UPF3B: variants seen among roughly 807,000 people sequenced by gnomAD.
UPF3B encodes regulator of nonsense transcripts 3B.
Under a neutral mutation model 40.3 loss-of-function variants are expected in UPF3B, and 7 were observed. The ratio of observed to expected loss-of-function variants is 0.17; its 90% CI spans 0.10 to 0.33. The LOEUF is 0.33. Among genes scored for constraint, UPF3B ranks in the 10% least tolerant of loss-of-function variants. UPF3B has a pLI of 1.00. For missense variants in UPF3B, 229 were observed against 358.9 expected (o/e 0.64, Z 2.93); for synonymous variants, 117 against 117.3 (o/e 1.00, Z 0.01).
At chrX:119,845,752 T>C (rs2056220435) in intron 3 of UPF3B, among the ~76,000 whole-genome samples, 1 of 110,413 alleles carries the variant, frequency 9.1e-6, no homozygotes, top group African/African-American at 3.3e-5. Flanking sequence ...ATTTAGATTG[T>C]GGTGATAGGC....
At chrX:119,840,995 C>T (rs2056154474) in intron 7 of UPF3B, 81 bp downstream of exon 7, 2 of 1,058,971 alleles carry the variant, frequency 1.9e-6, no homozygotes, top group Non-Finnish European at 2.6e-6. Flanking sequence ...TCATTTACAC[C>T]AACACAAGAC....
At chrX:119,821,257 G>A (rs780618664) in intron 4 of UPF3B, among the ~76,000 whole-genome samples, 1 of 112,062 alleles carries the variant, frequency 8.9e-6, no homozygotes, top group Non-Finnish European at 1.9e-5. Flanking sequence ...GCTGAGCAAT[G>A]TCAGATGCCA....
intron 5 of UPF3B, among the ~76,000 whole-genome samples, chrX:119,842,626 A>ACACACACC (rs1473286998): frequency 4.6e-5 from 5 of 108,031 alleles, no homozygotes; most frequent in Non-Finnish European, 9.5e-5. Context: ...ACACACACAC[A>ACACACACC]CACAGAGAGA....
At chrX:119,809,730 A>G (rs950003840) in intron 5 of UPF3B, among the ~76,000 whole-genome samples, 2 of 111,733 alleles carry the variant, frequency 1.8e-5, no homozygotes, top group Admixed American at 1.9e-4. Context: ...CAAAAACAAA[A>G]TCTTTTTGCA....
intron 5 of UPF3B, among the ~76,000 whole-genome samples, chrX:119,807,860 T>C (rs2055804613): frequency 1.8e-5 from 2 of 111,600 alleles, no homozygotes; most frequent in Non-Finnish European, 3.8e-5. Context: ...AGTGGCACAA[T>C]TGCAGCTCAC....
intron 4 of UPF3B, among the ~76,000 whole-genome samples, chrX:119,818,294 G>C (rs2055882167): frequency 9.2e-6 from 1 of 109,013 alleles, no homozygotes; most frequent in Non-Finnish European, 1.9e-5. Flanking sequence ...AATCCTCTTC[G>C]TGCTTTAACT....
chrX:119,809,385 A>G (rs1450342600), intron 5 of UPF3B, among the ~76,000 whole-genome samples: 1 of 112,156 alleles, frequency 8.9e-6, no homozygotes, highest in Non-Finnish European at 1.9e-5. Context: ...CAAAAAGTCC[A>G]TGGAAAATGT....
chrX:119,851,481 T>G lies in UPF3B; in HGVS notation c.370+14A>C. 2.6e-6 allele frequency: 3 copies of G among 1,137,322 alleles called. No individual in the cohort carries two copies. Among genetic ancestry groups the G allele is most frequent in the Non-Finnish European group, 2.4e-6 (2 of 827,902 alleles). 93.7% of individuals were successfully genotyped at this position (1,137,322 alleles called of 1,213,427 possible). A position where few individuals can be genotyped will look rare whatever the true frequency, so the allele number is the denominator to read the frequency against. On this transcript the variant is annotated intron_variant, in intron 3 of 10. Coordinates refer to ENST00000276201, the MANE Select transcript of UPF3B (RefSeq NM_080632.3). ...CAAAGAAATTCCCTTTTTACTTCAG[T>G]TACCAGGACTCACCTTTATTGTCAA...
Position 119,837,914 on chromosome X carries a change from T to C in UPF3B, c.1145A>G (p.Lys382Arg), listed in dbSNP as rs1267800969. 8.3e-7 allele frequency: 1 copy of C among 1,209,141 alleles called. No homozygotes were observed. Among genetic ancestry groups the C allele is most frequent in the Non-Finnish European group, 1.1e-6 (1 of 895,265 alleles). Reference protein sequence around the residue: ...ERRRQKERYEKEKTFKRKEEE... With the variant: ...ERRRQKERYEREKTFKRKEEE... ...TTCTTTTCTCTTAAAAGTCTTCTCT[T>C]TCTCATAGCGCTCCTTCTGCCTACG... The change falls in exon 10 of 11, where the codon AAA becomes AGA. Residue 382 changes from lysine to arginine, a missense_variant. Transcript: ENST00000276201.
rs1266178890 is a variant in UPF3B, at chrX:119,845,284, G to A, written c.383C>T (p.Pro128Leu). The A allele has an allele frequency of 1.7e-6, 2 of 1,204,009 alleles. No individual in the cohort carries two copies. The highest frequency in any genetic ancestry group is 3.5e-5 in the African/African-American group (2 of 56,829). The change falls in exon 4 of 11, where the codon CCC becomes CTC. Residue 128 changes from proline to leucine, a missense_variant. By Grantham distance (98) the Pro-to-Leu change is moderately conservative. Around this residue, in one of 3 missense-constraint regions of UPF3B, gnomAD observed 87 missense variants for 184.2 expected, o/e 0.47. Transcript: ENST00000276201. The stretch of plus-strand genomic sequence containing the variant: ...AAAAGGTGCAAATTCTACTATAGCG[G>A]GATATTCCTGACCTGTTTAGAAAAA... ...VFLDNKGQEYPAIVEFAPFQK... is the reference protein window; with the variant it reads ...VFLDNKGQEYLAIVEFAPFQK...
At chrX:119,820,335 G>C (rs1472609886) in intron 4 of UPF3B, among the ~76,000 whole-genome samples, 1 of 107,720 alleles carries the variant, frequency 9.3e-6, no homozygotes, top group Admixed American at 1.0e-4. Context: ...TTTTTTGGTA[G>C]AGATGGGGTT....
intron 3 of UPF3B, among the ~76,000 whole-genome samples, chrX:119,826,116 G>A (rs376708266): frequency 1.8e-5 from 2 of 111,262 alleles, no homozygotes; most frequent in South Asian, 3.7e-4. Flanking sequence ...AGCCGAGATC[G>A]TGCCACTGCA....
At chrX:119,826,386 G>A (rs900297241) in intron 3 of UPF3B, among the ~76,000 whole-genome samples, 1 of 110,523 alleles carries the variant, frequency 9.0e-6, no homozygotes, top group Admixed American at 9.7e-5. Flanking sequence ...GGAGGCTGAG[G>A]CAGGAGAATA....
chrX:119,822,303 G>A (rs1286404968), intron 4 of UPF3B, among the ~76,000 whole-genome samples: 1 of 112,123 alleles, frequency 8.9e-6, no homozygotes, highest in Non-Finnish European at 1.9e-5. Flanking sequence ...AATAGAAATA[G>A]ATGGGAATAA....
chrX:119,834,638 CT>C lies in UPF3B; in HGVS notation c.*239del. 9.5e-7 allele frequency: 1 copy of C among 1,056,593 alleles called. No homozygotes were observed. Among genetic ancestry groups the C allele is most frequent in the Non-Finnish European group, 1.2e-6 (1 of 823,395 alleles). The allele number at this position is 1,056,593 out of a possible 1,213,427, so 87.1% of individuals were successfully genotyped here. Reference sequence around the variant, plus strand: ...TTGCAATGCATGTCCTTGCCGTCACCTTTTTCTGACACTTTAAAATTAATTT... The same window carrying C: ...TTGCAATGCATGTCCTTGCCGTCACCTTTTCTGACACTTTAAAATTAATTT... On this transcript the variant is annotated 3_prime_UTR_variant, in exon 11 of 11. Coordinates refer to ENST00000276201, the MANE Select transcript of UPF3B (RefSeq NM_080632.3).
At chrX:119,823,358 C>T (rs1462671141) in intron 3 of UPF3B, among the ~76,000 whole-genome samples, 2 of 110,943 alleles carry the variant, frequency 1.8e-5, no homozygotes, top group African/African-American at 6.5e-5. Flanking sequence ...ATCCTACCAC[C>T]TCAGCTCCCT....
chrX:119,817,676 G>A (rs2055877098), intron 4 of UPF3B, among the ~76,000 whole-genome samples: 4 of 111,885 alleles, frequency 3.6e-5, no homozygotes, highest in Admixed American at 1.9e-4. Context: ...GTACTAACTC[G>A]TTAAAAAATA....
At chrX:119,835,383 G>A (rs111603369) in intron 10 of UPF3B, among the ~76,000 whole-genome samples, 14,397 of 110,722 alleles carry the variant, frequency 0.13, 737 homozygotes, top group African/African-American at 0.14. Context: ...TTATAGGCAC[G>A]CACTACCACA....
chrX:119,848,450 G>A (rs1450229234), intron 3 of UPF3B, among the ~76,000 whole-genome samples: 1 of 110,774 alleles, frequency 9.0e-6, no homozygotes, highest in African/African-American at 3.3e-5. Flanking sequence ...GTATAATGGT[G>A]GTTGCCAGGG....
Sources: gnomAD v4.1 joint callset for allele counts (sites outside exome capture counted in the v4.1 genomes callset) on GRCh38, gnomAD v4.1.1 for gene constraint, gnomAD v4.1.1 regional missense constraint, MANE v1.5 for transcripts, NCBI Gene and HGNC (gene_info 2026-07-23, HGNC 2026-07-21) for gene names.